Variants in CDK8 observed in about 807,000 individuals in gnomAD.
CDK8 encodes cyclin-dependent kinase 8.
In CDK8, 29 loss-of-function variants were observed where a neutral mutation model predicts 71.5. The observed-to-expected ratio is 0.41, with a 90% CI of 0.30 to 0.55. The LOEUF is 0.55. Among genes scored for constraint, CDK8 ranks in the 20% least tolerant of loss-of-function variants. The pLI, the probability that CDK8 is intolerant of heterozygous loss-of-function variation, is 0.37. For missense variants in CDK8, 288 were observed against 572.6 expected, an observed-to-expected ratio of 0.50 and a Z score of 5.07; for synonymous variants, 161 against 192.1, an observed-to-expected ratio of 0.84 and a Z score of 1.34.
intron 1 of CDK8, among the ~76,000 whole-genome samples, chr13:26,329,647 C>A (rs1295681486): frequency 3.3e-5 from 5 of 151,890 alleles, no homozygotes; most frequent in African/African-American, 1.2e-4. Context: ...GGATTACAGG[C>A]ACCCACCACC....
At chr13:26,308,277 A>C (rs1316593485) in intron 1 of CDK8, among the ~76,000 whole-genome samples, 2 of 152,216 alleles carry the variant, frequency 1.3e-5, no homozygotes, top group East Asian at 1.9e-4. Flanking sequence ...CAGGCATAGG[A>C]CATTTCCATC....
intron 1 of CDK8, among the ~76,000 whole-genome samples, chr13:26,314,793 G>A (rs1874434918): frequency 1.3e-5 from 2 of 152,064 alleles, no homozygotes; most frequent in Admixed American, 1.3e-4. Flanking sequence ...TTCTCCATAT[G>A]TTTATACAGG....
intron 1 of CDK8, among the ~76,000 whole-genome samples, chr13:26,257,560 T>C (rs1315430736): frequency 6.6e-6 from 1 of 152,190 alleles, no homozygotes; most frequent in African/African-American, 2.4e-5. Flanking sequence ...ATAGTGTCCT[T>C]TGTGTCTGAA....
chr13:26,321,408 A>G (rs1874768661), intron 1 of CDK8, among the ~76,000 whole-genome samples: 1 of 152,102 alleles, frequency 6.6e-6, no homozygotes, highest in South Asian at 2.1e-4. Context: ...GTTAGTGTGT[A>G]GTGGTTATGG....
chr13:26,255,420 ATC>A (rs1871477923), intron 1 of CDK8, among the ~76,000 whole-genome samples: 1 of 152,236 alleles, frequency 6.6e-6, no homozygotes, highest in African/African-American at 2.4e-5. Context: ...CATAGGGACT[ATC>A]TCGTTCAGGC....
At chr13:26,257,590 G>A (rs1871579772) in intron 1 of CDK8, among the ~76,000 whole-genome samples, 1 of 152,148 alleles carries the variant, frequency 6.6e-6, no homozygotes, top group African/African-American at 2.4e-5. Context: ...AGTACTCAGT[G>A]GGAAGCAGGG....
intron 1 of CDK8, among the ~76,000 whole-genome samples, chr13:26,329,315 C>G (rs910090609): frequency 6.6e-6 from 1 of 151,812 alleles, no homozygotes; most frequent in East Asian, 1.9e-4. Flanking sequence ...CATCATGGTC[C>G]CATCCTCTTA....
At chr13:26,320,254 A>G (rs1279542472) in intron 1 of CDK8, among the ~76,000 whole-genome samples, 1 of 148,358 alleles carries the variant, frequency 6.7e-6, no homozygotes, top group Non-Finnish European at 1.5e-5. Context: ...TTTAAAAAAG[A>G]AAAAAAAAAG....
At chr13:26,265,820 TC>T (rs1339169064) in intron 1 of CDK8, among the ~76,000 whole-genome samples, 5 of 152,196 alleles carry the variant, frequency 3.3e-5, no homozygotes, top group Non-Finnish European at 7.4e-5. Flanking sequence ...TTTTGTACTT[TC>T]TTCCGAAGTC....
intron 4 of CDK8, among the ~76,000 whole-genome samples, chr13:26,382,502 TGAAA>T (rs1875274109): frequency 6.6e-6 from 1 of 152,148 alleles, no homozygotes; most frequent in Non-Finnish European, 1.5e-5. Context: ...TTTATGTACT[TGAAA>T]GAGTGAGAAG....
At chr13:26,286,332 A>G (rs1211281007) in intron 1 of CDK8, among the ~76,000 whole-genome samples, 2 of 152,378 alleles carry the variant, frequency 1.3e-5, no homozygotes, top group South Asian at 2.1e-4. Context: ...CCAATGGAAC[A>G]GATGAGAGAA....
rs368580483 is a variant in CDK8, at chr13:26,268,639, A to G, written c.128+13870A>G. Among the ~76,000 whole-genome samples the G allele has an allele frequency of 2.0e-4, 31 of 152,246 alleles. No individual in the cohort carries two copies. The East Asian group carries it at 4.8e-3, about 24-fold the overall frequency. On this transcript the variant is annotated intron_variant, in intron 1 of 12. Transcript: ENST00000381527. ...CCACCATACTTAGCTAATCCTGTGT[A>G]TTTTAGATTACTGGTGGGGATTAAA...
At chr13:26,327,995 C>T (rs873342) in intron 1 of CDK8, among the ~76,000 whole-genome samples, 6 of 149,230 alleles carry the variant, frequency 4.0e-5, no homozygotes, top group Admixed American at 6.7e-5. Flanking sequence ...TGCTTTCTTT[C>T]CCTAGTTGGA....
chr13:26,404,270 T>A lies in CDK8; in HGVS notation c.*189T>A, dbSNP rs542324818. 3.5e-4 allele frequency: 201 copies of A among 582,352 alleles called. No individual in the cohort carries two copies. The highest frequency in any genetic ancestry group is 4.4e-4 in the Non-Finnish European group (150 of 343,760). The allele number at this position is 582,352 out of a possible 1,614,324, so 36.1% of individuals were successfully genotyped here. On this transcript the variant is annotated 3_prime_UTR_variant, in exon 13 of 13. Transcript: ENST00000381527. ...TTCCAAGTTGTACCTATTTTGGAGT[T>A]AGACTTGAAAAGAAAGTGCTAGCAC... is the stretch of plus-strand genomic sequence containing the variant.
chr13:26,401,757 C>A lies in CDK8; in HGVS notation c.1269+133C>A. The A allele has an allele frequency of 9.5e-6, 9 of 942,886 alleles. No homozygotes were observed. Among genetic ancestry groups the A allele is most frequent in the Non-Finnish European group, 1.5e-5 (9 of 619,488 alleles). The allele number at this position is 942,886 out of a possible 1,614,324, so 58.4% of individuals were successfully genotyped here. A position where few individuals can be genotyped will look rare whatever the true frequency, so the allele number is the denominator to read the frequency against. Reference sequence around the variant, plus strand: ...GGAAATACATTAACATGAAATGTTACTGGCATGGAAAAGTACTGACAGTGG... The same window carrying A: ...GGAAATACATTAACATGAAATGTTAATGGCATGGAAAAGTACTGACAGTGG... On this transcript the variant is annotated intron_variant, in intron 12 of 12. Transcript: ENST00000381527. The surrounding 1 kb of genome is among the most constrained non-coding windows in gnomAD (Gnocchi z 4.5).
At chr13:26,351,411 T>C (rs908086286) in intron 3 of CDK8, among the ~76,000 whole-genome samples, 1 of 152,112 alleles carries the variant, frequency 6.6e-6, no homozygotes, top group African/African-American at 2.4e-5. Context: ...AGATCAACCC[T>C]GTTAAATCAG....
chr13:26,328,952 A>G (rs1213040520), intron 1 of CDK8, among the ~76,000 whole-genome samples: 1 of 152,052 alleles, frequency 6.6e-6, no homozygotes, highest in Non-Finnish European at 1.5e-5. Flanking sequence ...TATAGTCTCA[A>G]TTCTCTGCCA....
chr13:26,402,449 C>T (rs1876307884), intron 12 of CDK8, among the ~76,000 whole-genome samples: 1 of 151,916 alleles, frequency 6.6e-6, no homozygotes, highest in Non-Finnish European at 1.5e-5. Flanking sequence ...AAAATCTGAC[C>T]AATTAGAATT....
chr13:26,320,499 A>C (rs1395412836), intron 1 of CDK8, among the ~76,000 whole-genome samples: 1 of 152,200 alleles, frequency 6.6e-6, no homozygotes. Flanking sequence ...GATATGGCAC[A>C]GGCAATAAAA....
Sources: gnomAD v4.1 joint callset for allele counts (sites outside exome capture counted in the v4.1 genomes callset) on GRCh38, gnomAD v4.1.1 for gene constraint, Gnocchi (gnomAD v3.1) non-coding constraint, MANE v1.5 for transcripts, NCBI Gene and HGNC (gene_info 2026-07-23, HGNC 2026-07-21) for gene names.